The following CEP135 variants were observed in gnomAD, a reference collection of about 807,000 sequenced individuals.
The protein encoded by CEP135 is centrosomal protein 135.
Under a neutral mutation model 157.3 loss-of-function variants are expected in CEP135, and 142 were observed. The observed-to-expected ratio is 0.90, with a 90% confidence interval of 0.79 to 1.04. The LOEUF is 1.04. CEP135 is among the 50% of genes least tolerant of loss of function. The probability of loss-of-function intolerance (pLI) is 0.00; values close to 1 mark genes in which losing one functional copy is unlikely to be tolerated. For missense variants in CEP135, 1,317 were observed against 1,309.2 expected, an observed-to-expected ratio of 1.01 and a Z score of -0.09; for synonymous variants, 396 against 439.8, an observed-to-expected ratio of 0.90 and a Z score of 1.25.
chr4:55,967,336 A>T (rs1728874265), intron 8 of CEP135, among the ~76,000 whole-genome samples: 1 of 152,198 alleles, frequency 6.6e-6, no homozygotes, highest in African/African-American at 2.4e-5. Flanking sequence ...ATGAATTATA[A>T]TGGGAGAAAA....
chr4:55,950,358 C>T (rs1329162197), intron 1 of CEP135, among the ~76,000 whole-genome samples: 2 of 152,132 alleles, frequency 1.3e-5, no homozygotes, highest in Non-Finnish European at 1.5e-5. Context: ...CATGTATGCT[C>T]ATGCATGTAA....
chr4:55,955,396 T>C (rs1045763884), intron 4 of CEP135, among the ~76,000 whole-genome samples: 4 of 152,150 alleles, frequency 2.6e-5, no homozygotes, highest in Non-Finnish European at 4.4e-5. Context: ...TATCATCTTA[T>C]TGTGTGCCTG....
At chr4:56,013,967 G>A (rs1473015690) in intron 21 of CEP135, among the ~76,000 whole-genome samples, 3 of 152,140 alleles carry the variant, frequency 2.0e-5, no homozygotes, top group East Asian at 1.9e-4. Flanking sequence ...AGAACACCAC[G>A]TAAAGATGGA....
intron 11 of CEP135, 83 bp from the exon 12 acceptor site, chr4:55,980,060 C>T (rs981850809): frequency 4.5e-6 from 5 of 1,107,484 alleles, no homozygotes; most frequent in African/African-American, 1.6e-5. Context: ...TGTCTGGTAG[C>T]ATCTTTCAGT....
intron 9 of CEP135, among the ~76,000 whole-genome samples, chr4:55,970,106 A>C (rs1031851408): frequency 6.6e-6 from 1 of 151,546 alleles, no homozygotes; most frequent in Non-Finnish European, 1.5e-5. Context: ...TCCTGGACTC[A>C]AGTGATTCTC....
intron 17 of CEP135, among the ~76,000 whole-genome samples, chr4:56,000,415 A>G (rs187598474): frequency 3.9e-5 from 6 of 152,168 alleles, no homozygotes; most frequent in Middle Eastern, 3.4e-3. Context: ...CACCCTATTG[A>G]TATCTTTCGA....
chr4:56,014,214 C>A (rs1353976586), intron 21 of CEP135, among the ~76,000 whole-genome samples: 1 of 152,184 alleles, frequency 6.6e-6, no homozygotes, highest in African/African-American at 2.4e-5. Flanking sequence ...GAAACTAATA[C>A]AGATTATAGC....
chr4:55,999,406 A>G lies in CEP135; in HGVS notation c.2114A>G (p.Glu705Gly), dbSNP rs370414021. ...ESAQAQIKIL[E>G]EKIDELNLKM... The stretch of plus-strand genomic sequence containing the variant: ...GCCCAAGCACAAATTAAAATACTGG[A>G]GGAAAAGATAGGTAAATGTTTTAAA... Residue 705 changes from glutamate to glycine, a missense_variant, in exon 16 of 26, where the codon GAG becomes GGG. Glu to Gly is a moderately conservative substitution (Grantham distance 98, BLOSUM62 -2). Transcript: ENST00000257287. 3.8e-5 allele frequency: 62 copies of G among 1,613,694 alleles called. No individual in the cohort carries two copies. The highest frequency in any genetic ancestry group is 1.0e-4 in the Admixed American group (6 of 59,920).
rs542026467 is a variant in CEP135, at chr4:56,011,370, G to A, written c.2506-42G>A. ...TGAATATAAATAAAATTTATTTGGT[G>A]TTGTGTTCATTTTAGATTGTCTTTA... is the stretch of plus-strand genomic sequence containing the variant. On this transcript the variant is annotated intron_variant, in intron 19 of 25. Coordinates refer to ENST00000257287, the MANE Select transcript of CEP135 (RefSeq NM_025009.5). The A allele has an allele frequency of 1.1e-4, 142 of 1,273,806 alleles. 1 individual carries two copies. In the South Asian group the frequency reaches 1.6e-3, roughly 15 times the overall value. 78.9% of individuals were successfully genotyped at this position (1,273,806 alleles called of 1,614,324 possible).
intron 11 of CEP135, among the ~76,000 whole-genome samples, chr4:55,976,255 A>C (rs1729213888): frequency 6.6e-6 from 1 of 151,854 alleles, no homozygotes; most frequent in South Asian, 2.1e-4. Context: ...AAAAAGAAAG[A>C]AAGAAAGAAA....
At chr4:56,001,341 T>A (rs967879557) in intron 17 of CEP135, among the ~76,000 whole-genome samples, 2 of 152,194 alleles carry the variant, frequency 1.3e-5, no homozygotes, top group Non-Finnish European at 2.9e-5. Context: ...CACACCAATG[T>A]CTTAGAGCAT....
In CEP135 at chr4:56,008,371, A is replaced by G. The variant is rs942647764; in HGVS notation, c.2325A>G (p.Glu775=). 4 of 1,610,006 alleles carry G rather than the reference A, an allele frequency of 2.5e-6. No homozygotes were observed. The Middle Eastern group carries it at 5.0e-4, about 200-fold the overall frequency. ...AQMKIMISEC[E]SSVNQLKETL... is the part of the protein sequence containing the mutation. Reference sequence around the variant, plus strand: ...TGAAGATAATGATCTCAGAGTGTGAATCATCTGTGAAGTAAGTCATTAATG... The same window carrying G: ...TGAAGATAATGATCTCAGAGTGTGAGTCATCTGTGAAGTAAGTCATTAATG... Residue 775 remains glutamate (E), a synonymous_variant, in exon 18 of 26, where the codon GAA becomes GAG. Coordinates refer to ENST00000257287, the MANE Select transcript of CEP135 (RefSeq NM_025009.5).
chr4:55,977,836 G>A (rs1470082981), intron 11 of CEP135, among the ~76,000 whole-genome samples: 5 of 152,152 alleles, frequency 3.3e-5, no homozygotes, highest in Non-Finnish European at 4.4e-5. Flanking sequence ...AGGACCCAGC[G>A]TAACATCTAG....
chr4:56,011,379 AT>A, intron 19 of CEP135, 32 bp from the exon 20 acceptor site: 4 of 1,402,974 alleles, frequency 2.9e-6, no homozygotes, highest in Non-Finnish European at 4.0e-6. Flanking sequence ...TGTTGTGTTC[AT>A]TTTAGATTGT....
chr4:56,017,944 A>T, intron 22 of CEP135, 87 bp downstream of exon 22: 1 of 1,128,014 alleles, frequency 8.9e-7, no homozygotes, highest in Non-Finnish European at 1.2e-6. Flanking sequence ...CCATGCATAT[A>T]CTTGTTTCCT....
At chr4:56,027,319 A>G (rs1259747286) in intron 25 of CEP135, among the ~76,000 whole-genome samples, 2 of 152,212 alleles carry the variant, frequency 1.3e-5, no homozygotes, top group African/African-American at 2.4e-5. Context: ...ACCACTGCCT[A>G]TTAGTGTAAA....
intron 5 of CEP135, among the ~76,000 whole-genome samples, chr4:55,958,541 A>C (rs1728575217): frequency 6.6e-6 from 1 of 152,170 alleles, no homozygotes. Flanking sequence ...TTTTCAGATA[A>C]TGTGTTTGTA....
intron 15 of CEP135, among the ~76,000 whole-genome samples, chr4:55,993,828 A>G (rs1729875609): frequency 6.6e-6 from 1 of 152,078 alleles, no homozygotes; most frequent in African/African-American, 2.4e-5. Flanking sequence ...TTCTTGTACT[A>G]CTACTAATAT....
At chr4:55,961,743 A>G (rs1358753265) in intron 6 of CEP135, among the ~76,000 whole-genome samples, 2 of 137,480 alleles carry the variant, frequency 1.5e-5, no homozygotes, top group Non-Finnish European at 3.1e-5. Context: ...CAGCCTGGGC[A>G]ACAAGAGCGA....
Sources: gnomAD v4.1 joint callset for allele counts (sites outside exome capture counted in the v4.1 genomes callset) on GRCh38, gnomAD v4.1.1 for gene constraint, MANE v1.5 for transcripts, NCBI Gene and HGNC (gene_info 2026-07-23, HGNC 2026-07-21) for gene names.